The following SLIT3 variants were observed in gnomAD, a reference collection of about 807,000 sequenced individuals.
SLIT3 encodes slit homolog 3 protein.
SLIT3 carries 68 observed loss-of-function variants against 184.0 expected under a neutral mutation model. The ratio of observed to expected loss-of-function variants is 0.37; its 90% CI spans 0.30 to 0.45. The LOEUF (loss-of-function observed/expected upper bound fraction) is 0.45, where lower values mean the gene tolerates loss of function less well. Ranked by LOEUF, SLIT3 falls within the 20% of genes least tolerant of loss-of-function variation. The pLI is 1.00. For synonymous variants in SLIT3, 831 were observed against 828.6 expected (o/e 1.00, Z -0.05); for missense variants, 1,707 against 2,026.0 (o/e 0.84, Z 3.02).
intron 4 of SLIT3, among the ~76,000 whole-genome samples, chr5:168,908,722 A>G (rs899968114): frequency 3.9e-5 from 6 of 151,990 alleles, no homozygotes; most frequent in African/African-American, 1.4e-4. Flanking sequence ...TCATTACAGA[A>G]CTCCTTTATC....
At chr5:168,975,489 C>T (rs1014840047) in intron 4 of SLIT3, among the ~76,000 whole-genome samples, 2 of 151,574 alleles carry the variant, frequency 1.3e-5, no homozygotes, top group African/African-American at 4.9e-5. Flanking sequence ...ACATAGACAC[C>T]CCTACACAGA....
chr5:168,765,411 C>T (rs1372763293), intron 14 of SLIT3, among the ~76,000 whole-genome samples: 1 of 152,116 alleles, frequency 6.6e-6, no homozygotes, highest in African/African-American at 2.4e-5. Context: ...TTTGTAATAA[C>T]AAGGGGGTCG....
At chr5:168,873,696 G>A (rs1329205604) in intron 5 of SLIT3, among the ~76,000 whole-genome samples, 26 of 151,978 alleles carry the variant, frequency 1.7e-4, no homozygotes, top group Admixed American at 1.6e-3. Context: ...GTACAAATGC[G>A]AGGCACAGAG....
chr5:169,264,040 T>C lies in SLIT3; in HGVS notation c.198-12581A>G, dbSNP rs1354477475. Reference sequence around the variant, plus strand: ...AATGTTTTCTGGAGTAAACATGTATTATTCAATATACCTCCTACCTTCCAA... The same window carrying C: ...AATGTTTTCTGGAGTAAACATGTATCATTCAATATACCTCCTACCTTCCAA... On this transcript the variant is annotated intron_variant, in intron 1 of 35. Transcript: ENST00000519560. Among the ~76,000 whole-genome samples, 8 of 150,890 alleles carry C rather than the reference T, an allele frequency of 5.3e-5. No individual in the cohort carries two copies. In the Admixed American group the frequency reaches 5.4e-4, roughly 10 times the overall value.
At chr5:169,112,526 C>G (rs985998162) in intron 4 of SLIT3, among the ~76,000 whole-genome samples, 1 of 152,210 alleles carries the variant, frequency 6.6e-6, no homozygotes, top group Non-Finnish European at 1.5e-5. Context: ...AGGTTCAAAG[C>G]CAACCCAGGT....
At chr5:168,832,878 GT>G (rs1757925860) in intron 6 of SLIT3, among the ~76,000 whole-genome samples, 1 of 152,180 alleles carries the variant, frequency 6.6e-6, no homozygotes, top group Non-Finnish European at 1.5e-5. Flanking sequence ...GCAGGTGCCA[GT>G]TTTTGGTCTC....
intron 32 of SLIT3, among the ~76,000 whole-genome samples, chr5:168,673,762 C>T (rs941467560): frequency 3.3e-5 from 5 of 152,182 alleles, no homozygotes; most frequent in African/African-American, 1.2e-4. Context: ...TGCATTGGAC[C>T]CAATACTGTC....
chr5:169,140,480 CAAAAAAAAA>C (rs34881862), intron 4 of SLIT3, among the ~76,000 whole-genome samples: 1 of 46,924 alleles, frequency 2.1e-5, no homozygotes, highest in Non-Finnish European at 4.9e-5. Context: ...AACTCTAACT[CAAAAAAAAA>C]AAAAAAAAAA....
intron 1 of SLIT3, among the ~76,000 whole-genome samples, chr5:169,283,621 A>C (rs1430311142): frequency 6.6e-6 from 1 of 152,200 alleles, no homozygotes; most frequent in Non-Finnish European, 1.5e-5. Flanking sequence ...CCAGAAAACA[A>C]TGCATGTCTA....
chr5:168,940,940 T>G (rs9313431), intron 4 of SLIT3, among the ~76,000 whole-genome samples: 9,664 of 152,182 alleles, frequency 0.064, 751 homozygotes, highest in African/African-American at 0.18. Context: ...CCCCCAGGAC[T>G]GTTGTCATTC....
chr5:169,222,189 TTAATA>T (rs1160187073), intron 3 of SLIT3, among the ~76,000 whole-genome samples: 2 of 152,248 alleles, frequency 1.3e-5, no homozygotes, highest in African/African-American at 2.4e-5. Flanking sequence ...TCTGTATGAT[TTAATA>T]TATTTCTGTG....
intron 3 of SLIT3, among the ~76,000 whole-genome samples, chr5:169,227,042 A>G (rs1169341411): frequency 1.3e-5 from 2 of 152,180 alleles, no homozygotes; most frequent in African/African-American, 2.4e-5. Context: ...ACCCACTAAC[A>G]TGGAAAAGGG....
chr5:169,093,704 G>A (rs1472645184), intron 4 of SLIT3, among the ~76,000 whole-genome samples: 1 of 152,140 alleles, frequency 6.6e-6, no homozygotes, highest in African/African-American at 2.4e-5. Context: ...CATTAGTTGT[G>A]CCAGATATAA....
rs780162433 is a variant in SLIT3, at chr5:168,753,947, G to A, written c.1746C>T (p.Ser582=). 10 of 1,611,274 alleles carry A rather than the reference G, an allele frequency of 6.2e-6. No homozygotes were observed. The highest frequency in any genetic ancestry group is 5.0e-5 in the Admixed American group (3 of 59,976). Residue 582 remains serine (S), a synonymous_variant, in exon 17 of 36, where the codon AGC becomes AGT. Transcript: ENST00000519560. The stretch of plus-strand genomic sequence containing the variant: ...TCCCTGTCAGCATCAGCTCCTGCAC[G>A]CTGGCTGCTCCATCGAAAGCTCCCT... The part of the protein sequence containing the change: ...VREGAFDGAA[S]VQELMLTGNQ...
rs2068098 is a variant in SLIT3, at chr5:169,161,547, C to T, written c.413+31932G>A. The stretch of plus-strand genomic sequence containing the variant: ...CGTCCTCTTGAGCAATGATAAACCT[C>T]GGTGCCAGAGATGTTTAAAGAGAAA... On this transcript the variant is annotated intron_variant, in intron 4 of 35. Coordinates refer to ENST00000519560, the MANE Select transcript of SLIT3 (RefSeq NM_003062.4). Among the ~76,000 whole-genome samples, 589 of 152,258 alleles carry T rather than the reference C, an allele frequency of 3.9e-3. 6 individuals are homozygous for T. The highest frequency in any genetic ancestry group is 0.013 in the African/African-American group (554 of 41,530).
chr5:169,280,894 T>C (rs1171079706), intron 1 of SLIT3, among the ~76,000 whole-genome samples: 2 of 152,174 alleles, frequency 1.3e-5, no homozygotes, highest in Non-Finnish European at 2.9e-5. Flanking sequence ...CAGTGTGGTT[T>C]TAAGAAACGA....
intron 12 of SLIT3, among the ~76,000 whole-genome samples, chr5:168,784,717 T>A (rs1756090597): frequency 6.6e-6 from 1 of 152,168 alleles, no homozygotes; most frequent in Non-Finnish European, 1.5e-5. Flanking sequence ...TCCTCTCTCC[T>A]TCTTTGCTCT....
intron 3 of SLIT3, among the ~76,000 whole-genome samples, chr5:169,229,405 T>C (rs918515640): frequency 3.3e-5 from 5 of 152,236 alleles, no homozygotes; most frequent in African/African-American, 1.2e-4. Flanking sequence ...TTTGTCTGTA[T>C]GTCTTTTTAG....
chr5:169,079,489 AGG>A (rs1242160997), intron 4 of SLIT3, among the ~76,000 whole-genome samples: 1 of 5,226 alleles, frequency 1.9e-4, no homozygotes, highest in African/African-American at 7.2e-4. Context: ...GTGGGGGAGG[AGG>A]GGGGGAGGGA....
Sources: allele counts gnomAD v4.1 joint callset (sites outside exome capture counted in the v4.1 genomes callset), GRCh38; gene constraint gnomAD v4.1.1; transcripts MANE v1.5; gene names NCBI Gene and HGNC (gene_info 2026-07-23, HGNC 2026-07-21).